CDH12: variants seen among roughly 807,000 people sequenced by gnomAD.
CDH12 encodes cadherin-12.
In CDH12, 41 loss-of-function variants were observed where a neutral mutation model predicts 74.1. The ratio of observed to expected loss-of-function variants is 0.55; its 90% CI spans 0.43 to 0.72. The LOEUF (loss-of-function observed/expected upper bound fraction) is 0.72. CDH12 is among the 30% of genes least tolerant of loss of function. CDH12 has a pLI of 0.00. For synonymous variants in CDH12, 399 were observed against 355.0 expected (o/e 1.12, Z -1.39); for missense variants, 945 against 977.2 (o/e 0.97, Z 0.44).
At chr5:22,658,064 A>G (rs1433400743) in intron 1 of CDH12, among the ~76,000 whole-genome samples, 1 of 152,228 alleles carries the variant, frequency 6.6e-6, no homozygotes, top group African/African-American at 2.4e-5. Context: ...GAAAACACCT[A>G]GTATTTCAGT....
chr5:21,791,854 G>T (rs1474443514), intron 10 of CDH12, among the ~76,000 whole-genome samples: 2 of 151,606 alleles, frequency 1.3e-5, no homozygotes, highest in Admixed American at 6.6e-5. Context: ...CCTTAAAATT[G>T]TACTTTTCAA....
At chr5:21,926,129 T>C (rs1754574945) in intron 6 of CDH12, among the ~76,000 whole-genome samples, 13 of 152,160 alleles carry the variant, frequency 8.5e-5, no homozygotes, top group Admixed American at 8.5e-4. Context: ...CACTTTGATG[T>C]GTTGTGCATA....
At chr5:21,837,880 G>T (rs140591721) in intron 8 of CDH12, among the ~76,000 whole-genome samples, 96 of 152,166 alleles carry the variant, frequency 6.3e-4, no homozygotes, top group African/African-American at 2.2e-3. Flanking sequence ...TCAGACAATA[G>T]TCCAAGTGTT....
chr5:22,821,514 G>T (rs1055492330), intron 1 of CDH12, among the ~76,000 whole-genome samples: 9 of 152,132 alleles, frequency 5.9e-5, no homozygotes, highest in African/African-American at 1.9e-4. Context: ...ATCTCCTTTA[G>T]CTGATAAGCA....
intron 6 of CDH12, among the ~76,000 whole-genome samples, chr5:21,927,114 C>A (rs1754619436): frequency 6.6e-6 from 1 of 152,026 alleles, no homozygotes; most frequent in African/African-American, 2.4e-5. Flanking sequence ...GTCGTAATGG[C>A]AGATGTGGAG....
chr5:21,814,483 G>C (rs567641786), intron 9 of CDH12, among the ~76,000 whole-genome samples: 2 of 151,390 alleles, frequency 1.3e-5, no homozygotes, highest in Non-Finnish European at 2.9e-5. Flanking sequence ...ATTAAACCAC[G>C]CCTTTTTCAA....
At chr5:22,768,132 A>C (rs957764472) in intron 1 of CDH12, among the ~76,000 whole-genome samples, 4 of 152,054 alleles carry the variant, frequency 2.6e-5, no homozygotes, top group Non-Finnish European at 5.9e-5. Flanking sequence ...ATTCCTACTC[A>C]CTACAGCTAC....
chr5:22,104,456 TAAAA>T (rs1744316514), intron 4 of CDH12, among the ~76,000 whole-genome samples: 1 of 151,650 alleles, frequency 6.6e-6, no homozygotes, highest in Admixed American at 6.6e-5. Flanking sequence ...AAAGAATAAA[TAAAA>T]GAAAGACCTG....
At chr5:22,285,039 G>C (rs998313666) in intron 3 of CDH12, among the ~76,000 whole-genome samples, 1 of 150,974 alleles carries the variant, frequency 6.6e-6, no homozygotes, top group African/African-American at 2.4e-5. Context: ...TATTATTGAG[G>C]CTAAAATAAC....
intron 3 of CDH12, among the ~76,000 whole-genome samples, chr5:22,294,048 T>C (rs1490667834): frequency 6.6e-6 from 1 of 152,132 alleles, no homozygotes; most frequent in East Asian, 1.9e-4. Context: ...CATTCCACAA[T>C]GTATATGCTC....
chr5:22,107,246 C>T (rs1305101077), intron 4 of CDH12, among the ~76,000 whole-genome samples: 1 of 151,826 alleles, frequency 6.6e-6, no homozygotes, highest in Non-Finnish European at 1.5e-5. Flanking sequence ...AATTCTCCTG[C>T]CTCAGCCTCT....
intron 3 of CDH12, among the ~76,000 whole-genome samples, chr5:22,345,089 TAAC>T (rs1740054230): frequency 6.6e-6 from 1 of 152,214 alleles, no homozygotes; most frequent in Non-Finnish European, 1.5e-5. Flanking sequence ...GTCTTAAACT[TAAC>T]AGCGCACTGC....
In CDH12 at chr5:22,094,490, G is replaced by T. The variant is rs908920466; in HGVS notation, c.-186-15628C>A. The stretch of plus-strand genomic sequence containing the variant: ...CAAAGTACATTTCTCAGAGGAATGT[G>T]TACAAGGGAGAAGGTAAGGACAGAA... On this transcript the variant is annotated intron_variant, in intron 4 of 14. Transcript: ENST00000382254. Among the ~76,000 whole-genome samples, 29 of 152,158 alleles carry T rather than the reference G, an allele frequency of 1.9e-4. No individual in the cohort carries two copies. In the South Asian group the frequency reaches 2.7e-3, roughly 14 times the overall value.
chr5:22,393,462 T>A (rs2968271), intron 3 of CDH12, among the ~76,000 whole-genome samples: 128,004 of 152,108 alleles, frequency 0.84, 53,928 homozygotes, highest in African/African-American at 0.87. Context: ...TTGTACAGGC[T>A]GTCACAGGAA....
chr5:22,220,479 C>A (rs1751974826), intron 3 of CDH12, among the ~76,000 whole-genome samples: 1 of 151,578 alleles, frequency 6.6e-6, no homozygotes, highest in African/African-American at 2.4e-5. Flanking sequence ...TTTATATATA[C>A]ATTTTTAAAG....
chr5:22,635,904 C>T (rs1738818796), intron 1 of CDH12, among the ~76,000 whole-genome samples: 2 of 151,702 alleles, frequency 1.3e-5, no homozygotes, highest in Non-Finnish European at 2.9e-5. Flanking sequence ...CAGAATGAGA[C>T]TCCATCTCAA....
At position 22,144,480 on chromosome 5, in the gene CDH12, T is replaced by A. The variant is rs535287377; in HGVS notation, c.-186-65618A>T. On this transcript the variant is annotated intron_variant, in intron 4 of 14. Coordinates refer to ENST00000382254, the MANE Select transcript of CDH12 (RefSeq NM_004061.5). ...GCAATAAAGACACATAGATTTGAACTCTTTTGATTATTTTTGGCCTCCTGG... is the reference window on the plus strand; with the variant it reads ...GCAATAAAGACACATAGATTTGAACACTTTTGATTATTTTTGGCCTCCTGG... 5.9e-5 allele frequency among the ~76,000 whole-genome samples: 9 copies of A among 152,302 alleles called. No homozygotes were observed. In the East Asian group the frequency reaches 1.7e-3, roughly 29 times the overall value.
At chr5:22,142,528 A>G (rs1746871670) in intron 4 of CDH12, 1 of 740,570 alleles carries the variant, frequency 1.4e-6, no homozygotes, top group Non-Finnish European at 2.3e-6. Flanking sequence ...AAAAGAGAGA[A>G]ACTGGGGATG....
At chr5:21,883,516 G>C in intron 6 of CDH12, 1 of 1,612,908 alleles carries the variant, frequency 6.2e-7, no homozygotes, top group Non-Finnish European at 8.5e-7. Flanking sequence ...GGTGACAATA[G>C]AAAGAACCAA....
Sources: gnomAD v4.1 joint callset for allele counts (sites outside exome capture counted in the v4.1 genomes callset) on GRCh38, gnomAD v4.1.1 for gene constraint, MANE v1.5 for transcripts, NCBI Gene and HGNC (gene_info 2026-07-23, HGNC 2026-07-21) for gene names.